The following ERGIC2 variants were observed in gnomAD, a reference collection of about 807,000 sequenced individuals.
ERGIC2 encodes the protein ERGIC and golgi 2, also known as endoplasmic reticulum-Golgi intermediate compartment protein 2.
Under a neutral mutation model 52.5 loss-of-function variants are expected in ERGIC2, and 31 were observed. The ratio of observed to expected loss-of-function variants is 0.59; its 90% confidence interval spans 0.44 to 0.80. ERGIC2 has a LOEUF of 0.80. Ranked by LOEUF, ERGIC2 falls within the 30% of genes least tolerant of loss-of-function variation. The probability of loss-of-function intolerance (pLI) is 0.00; values close to 1 mark genes in which losing one functional copy is unlikely to be tolerated. For synonymous variants in ERGIC2, 129 were observed against 140.6 expected (o/e 0.92, Z 0.58); for missense variants, 395 against 455.2 (o/e 0.87, Z 1.20).
chr12:29,371,175 A>C (rs1940435131), intron 2 of ERGIC2, among the ~76,000 whole-genome samples: 1 of 152,016 alleles, frequency 6.6e-6, no homozygotes, highest in South Asian at 2.1e-4. Context: ...AGTAACCCCT[A>C]GGAGGTAAAT....
intron 1 of ERGIC2, among the ~76,000 whole-genome samples, chr12:29,373,708 G>A (rs1292350755): frequency 6.6e-6 from 1 of 152,104 alleles, no homozygotes; most frequent in African/African-American, 2.4e-5. Context: ...TTCCCTTGCT[G>A]GTTCCACACT....
At chr12:29,348,928 G>T (rs1268285334) in intron 10 of ERGIC2, 151 bp downstream of exon 10, 2 of 496,088 alleles carry the variant, frequency 4.0e-6, no homozygotes, top group Admixed American at 8.6e-5. Context: ...TCCACTACTA[G>T]GACAAATTCT....
At chr12:29,380,028 G>T (rs1163901296) in intron 1 of ERGIC2, among the ~76,000 whole-genome samples, 6 of 146,344 alleles carry the variant, frequency 4.1e-5, no homozygotes, top group African/African-American at 1.3e-4. Context: ...ATTATAACAC[G>T]CAACTGTATA....
In ERGIC2 at chr12:29,350,052, G is replaced by A. The variant is rs767819328; in HGVS notation, c.589C>T (p.Arg197Cys). ...AGTGCTGCCAAATGTGCATGACCAC[G>A]AGGATGTGGAATTGCCCTGAAAGGA... ...ITVGKAIPHP[R>C]GHAHLAALVN... is the part of the protein sequence containing the mutation. The change falls in exon 9 of 14, where the codon CGT becomes TGT. Residue 197 changes from arginine to cysteine, a missense_variant. Physicochemically the swap from Arg to Cys is radical, Grantham distance 180. Transcript: ENST00000360150. 21 of 1,604,590 alleles carry A rather than the reference G, an allele frequency of 1.3e-5. No homozygotes were observed. The highest frequency in any genetic ancestry group is 1.7e-5 in the Admixed American group (1 of 59,858).
chr12:29,372,396 A>G (rs1052429364), intron 1 of ERGIC2: 4 of 151,874 alleles, frequency 2.6e-5, no homozygotes, highest in African/African-American at 9.7e-5. Context: ...AGAAGAAGAA[A>G]GAAGGTGGGA....
At chr12:29,377,423 C>T (rs1030321074) in intron 1 of ERGIC2, among the ~76,000 whole-genome samples, 4 of 152,158 alleles carry the variant, frequency 2.6e-5, no homozygotes, top group Admixed American at 2.6e-4. Flanking sequence ...ATAACCTATG[C>T]ACATCCTCTT....
At chr12:29,358,269 A>AT (rs1440759140) in intron 6 of ERGIC2, among the ~76,000 whole-genome samples, 1 of 152,234 alleles carries the variant, frequency 6.6e-6, no homozygotes, top group African/African-American at 2.4e-5. Flanking sequence ...ACTTTGTGTC[A>AT]TTAGATGTAG....
intron 2 of ERGIC2, among the ~76,000 whole-genome samples, 183 bp from the exon 3 acceptor site, chr12:29,370,405 C>T (rs1320427301): frequency 6.6e-6 from 1 of 151,742 alleles, no homozygotes; most frequent in East Asian, 1.9e-4. Context: ...TCTAATACAG[C>T]TCAAAAGTTA....
intron 9 of ERGIC2, 117 bp from the exon 10 acceptor site, chr12:29,349,294 G>A: frequency 4.3e-6 from 2 of 467,284 alleles, no homozygotes; most frequent in Non-Finnish European, 7.7e-6. Flanking sequence ...AAATCTTCAA[G>A]GATAATAATA....
Position 29,370,159 on chromosome 12 carries a change from T to A in ERGIC2, c.170A>T (p.Asp57Val). The A allele has an allele frequency of 6.5e-7, 1 of 1,549,112 alleles. No homozygotes were observed. Among genetic ancestry groups the A allele is most frequent in the Non-Finnish European group, 8.6e-7 (1 of 1,158,410 alleles). ...TTCGTATTCATACTTCATCCATGTA[T>A]CTTGATATACTGAGAATTCCATTAT... ...LTIMEFSVYQDTWMKYEYEVD... is the reference protein window; with the variant it reads ...LTIMEFSVYQVTWMKYEYEVD... The change falls in exon 3 of 14, where the codon GAT (aspartate) becomes GTT (valine). Residue 57 changes from aspartate to valine, a missense_variant. By Grantham distance (152) the Asp-to-Val change is radical. Transcript: ENST00000360150.
chr12:29,372,015 G>A (rs1262221108), intron 1 of ERGIC2, among the ~76,000 whole-genome samples: 2 of 152,144 alleles, frequency 1.3e-5, no homozygotes, highest in Non-Finnish European at 2.9e-5. Context: ...ATGAATGACA[G>A]TGAAGTAAAA....
intron 10 of ERGIC2, among the ~76,000 whole-genome samples, chr12:29,346,326 C>A (rs962302697): frequency 2.4e-4 from 36 of 151,582 alleles, no homozygotes; most frequent in African/African-American, 7.5e-4. Flanking sequence ...GTAGCTGGGA[C>A]TACAATGCAC....
chr12:29,378,902 A>C (rs1394984466), intron 1 of ERGIC2, among the ~76,000 whole-genome samples: 1 of 152,180 alleles, frequency 6.6e-6, no homozygotes, highest in Non-Finnish European at 1.5e-5. Context: ...GCTACCTCAC[A>C]GTGTTAAGAT....
At chr12:29,350,174 A>C in intron 8 of ERGIC2, 106 bp from the exon 9 acceptor site, 1 of 685,528 alleles carries the variant, frequency 1.5e-6, no homozygotes, top group Middle Eastern at 4.1e-4. Context: ...CTTAGTACAA[A>C]ATAACATAAG....
chr12:29,358,538 G>A (rs1940240243), intron 6 of ERGIC2, among the ~76,000 whole-genome samples: 1 of 152,098 alleles, frequency 6.6e-6, no homozygotes, highest in African/African-American at 2.4e-5. Flanking sequence ...CTATGGTGAT[G>A]ATGATGTGTC....
chr12:29,345,271 T>G (rs558043190), intron 11 of ERGIC2, among the ~76,000 whole-genome samples, 172 bp downstream of exon 11: 3 of 152,350 alleles, frequency 2.0e-5, no homozygotes, highest in African/African-American at 7.2e-5. Flanking sequence ...TAATATTCAT[T>G]TCTGACATAT....
intron 4 of ERGIC2, 82 bp downstream of exon 4, chr12:29,368,159 C>A: frequency 1.2e-6 from 1 of 840,090 alleles, no homozygotes; most frequent in Non-Finnish European, 2.0e-6. Context: ...AAATAAAGTA[C>A]AACCAGTGAT....
intron 8 of ERGIC2, among the ~76,000 whole-genome samples, chr12:29,355,382 C>G (rs780814240): frequency 6.6e-6 from 1 of 151,990 alleles, no homozygotes; most frequent in Non-Finnish European, 1.5e-5. Flanking sequence ...AGGGCAAAAA[C>G]CCTTTATTTT....
At chr12:29,365,377 T>C (rs1263472488) in intron 5 of ERGIC2, among the ~76,000 whole-genome samples, 1 of 152,028 alleles carries the variant, frequency 6.6e-6, no homozygotes, top group Non-Finnish European at 1.5e-5. Flanking sequence ...ACACCATATG[T>C]TCTCATTTAT....
Sources: gnomAD v4.1 joint callset for allele counts (sites outside exome capture counted in the v4.1 genomes callset) on GRCh38, gnomAD v4.1.1 for gene constraint, MANE v1.5 for transcripts, NCBI Gene and HGNC (gene_info 2026-07-23, HGNC 2026-07-21) for gene names.